USO1: variants seen among roughly 807,000 people sequenced by gnomAD.
USO1 encodes the protein USO1 vesicle transport factor, also known as general vesicular transport factor p115.
USO1 carries 57 observed loss-of-function variants against 124.5 expected under a neutral mutation model. The ratio of observed to expected loss-of-function variants is 0.46; its 90% confidence interval spans 0.37 to 0.57. The LOEUF is 0.57. Ranked by LOEUF, USO1 falls within the 20% of genes least tolerant of loss-of-function variation. USO1 has a pLI of 0.00. For missense variants in USO1, 900 were observed against 1,040.6 expected (o/e 0.86, Z 1.86); for synonymous variants, 369 against 362.8 (o/e 1.02, Z -0.19).
In USO1 at chr4:75,804,244, C is replaced by T; in HGVS notation, c.2097C>T (p.Asp699=). 6.2e-7 allele frequency: 1 copy of T among 1,612,726 alleles called. No homozygotes were observed. Among genetic ancestry groups the T allele is most frequent in the Non-Finnish European group, 8.5e-7 (1 of 1,179,334 alleles). Residue 699 remains aspartate (D), a synonymous_variant, in exon 18 of 24, where the codon GAC becomes GAT. Transcript: ENST00000514213. ...QQVSQIQQHK[D]QYNLLKIQLG... ...TATCACAGATCCAGCAGCACAAAGA[C>T]CAGTATAATCTTCTTAAAATACAGC...
chr4:75,767,617 A>G (rs1721802239), intron 4 of USO1: 1 of 291,728 alleles, frequency 3.4e-6, no homozygotes, highest in African/African-American at 2.3e-5. Flanking sequence ...GGTAGCAGGC[A>G]TCTGAAGTCC....
intron 4 of USO1, among the ~76,000 whole-genome samples, chr4:75,757,776 T>C: frequency 6.6e-6 from 1 of 152,156 alleles, no homozygotes. Context: ...CAGAACATTA[T>C]AGTGAGATGG....
At chr4:75,736,442 G>A (rs1218968275) in intron 1 of USO1, among the ~76,000 whole-genome samples, 4 of 147,116 alleles carry the variant, frequency 2.7e-5, no homozygotes, top group East Asian at 2.1e-4. Context: ...TCCACCTCCC[G>A]AGTAGCTGGG....
At chr4:75,808,857 G>A (rs2149195652) in intron 20 of USO1, 96 bp from the exon 21 acceptor site, 2 of 1,352,798 alleles carry the variant, frequency 1.5e-6, no homozygotes, top group Non-Finnish European at 2.0e-6. Context: ...AAAAGTAGGA[G>A]GTTGTAAATC....
At chr4:75,749,829 T>C (rs1473674197) in intron 1 of USO1, among the ~76,000 whole-genome samples, 1 of 151,434 alleles carries the variant, frequency 6.6e-6, no homozygotes, top group Non-Finnish European at 1.5e-5. Flanking sequence ...CTCGGCTCAC[T>C]GCAAGCTCCG....
chr4:75,759,765 C>T (rs781649977), intron 4 of USO1, among the ~76,000 whole-genome samples: 49 of 151,594 alleles, frequency 3.2e-4, no homozygotes, highest in Non-Finnish European at 6.6e-4. Context: ...AAAAATTAGC[C>T]AGCCATGGTG....
chr4:75,808,739 A>ATTT (rs10683487), intron 20 of USO1, among the ~76,000 whole-genome samples: 74,429 of 141,402 alleles, frequency 0.53, 21,029 homozygotes, highest in East Asian at 0.81. Flanking sequence ...GTCTTTTATG[A>ATTT]TTTTTTTTTT....
intron 8 of USO1, among the ~76,000 whole-genome samples, chr4:75,779,142 T>C (rs904786361): frequency 1.3e-5 from 2 of 152,168 alleles, no homozygotes; most frequent in Admixed American, 1.3e-4. Flanking sequence ...AAAAATGTTT[T>C]ATGCATTCTG....
intron 8 of USO1, among the ~76,000 whole-genome samples, chr4:75,779,626 TGA>T (rs978573087): frequency 5.9e-5 from 9 of 152,154 alleles, no homozygotes; most frequent in African/African-American, 2.2e-4. Flanking sequence ...CTGTGAAGAC[TGA>T]GAGAGGTGAA....
Position 75,770,550 on chromosome 4 carries a change from A to T in USO1, c.396+11A>T, listed in dbSNP as rs770369965. On this transcript the variant is annotated intron_variant, in intron 5 of 23. Coordinates refer to ENST00000514213, the MANE Select transcript of USO1 (RefSeq NM_003715.4). ...TTATCTTTATTGGAGGTAAATAGGG[A>T]ACCTTGATGTTTTTGTCATCTTAAT... The T allele has an allele frequency of 2.6e-6, 4 of 1,551,980 alleles. No homozygotes were observed. The Admixed American group carries it at 8.1e-5, about 32-fold the overall frequency.
At chr4:75,748,436 CT>C (rs1186685818) in intron 1 of USO1, among the ~76,000 whole-genome samples, 1 of 151,942 alleles carries the variant, frequency 6.6e-6, no homozygotes, top group African/African-American at 2.4e-5. Context: ...CAATCCACCC[CT>C]CTCAGCCTCC....
At chr4:75,790,072 T>A (rs1560455594) in intron 10 of USO1, 78 bp from the exon 11 acceptor site, 2 of 1,071,606 alleles carry the variant, frequency 1.9e-6, no homozygotes, top group South Asian at 2.1e-5. Context: ...AAAAAAAAGA[T>A]TTTTTTTCTA....
intron 1 of USO1, among the ~76,000 whole-genome samples, chr4:75,729,441 G>A (rs1720566523): frequency 6.6e-6 from 1 of 152,074 alleles, no homozygotes; most frequent in African/African-American, 2.4e-5. Context: ...CTGGGTTCAA[G>A]CAGTTCTCCT....
chr4:75,761,055 G>T lies in USO1; in HGVS notation c.295+3482G>T, dbSNP rs189792231. On this transcript the variant is annotated intron_variant, in intron 4 of 23. Coordinates refer to ENST00000514213, the MANE Select transcript of USO1 (RefSeq NM_003715.4). Reference sequence around the variant, plus strand: ...CCAGTTACTTGGGAGGCTGAGGCAGGAGAATTGCTTGAACCCAGGAGACAG... The same window carrying T: ...CCAGTTACTTGGGAGGCTGAGGCAGTAGAATTGCTTGAACCCAGGAGACAG... Among the ~76,000 whole-genome samples the T allele has an allele frequency of 5.8e-3, 888 of 152,226 alleles. 15 individuals are homozygous for T. Among genetic ancestry groups the T allele is most frequent in the African/African-American group, 0.02 (842 of 41,546 alleles).
intron 1 of USO1, among the ~76,000 whole-genome samples, chr4:75,741,453 T>G (rs1720956572): frequency 6.6e-6 from 1 of 152,218 alleles, no homozygotes; most frequent in Non-Finnish European, 1.5e-5. Flanking sequence ...TAGTTTACTA[T>G]AACTTTTTAA....
chr4:75,798,562 C>T (rs1560459030), intron 13 of USO1, among the ~76,000 whole-genome samples: 2 of 152,070 alleles, frequency 1.3e-5, no homozygotes, highest in African/African-American at 4.8e-5. Context: ...GCTTACCTGG[C>T]AAATCATTTG....
chr4:75,794,811 T>TA (rs1722633643), intron 13 of USO1, among the ~76,000 whole-genome samples: 1 of 152,174 alleles, frequency 6.6e-6, no homozygotes, highest in Non-Finnish European at 1.5e-5. Context: ...AATGAAAGCT[T>TA]AAAAAGTAAC....
intron 8 of USO1, among the ~76,000 whole-genome samples, chr4:75,782,233 T>C (rs1184267642): frequency 6.6e-6 from 1 of 152,238 alleles, no homozygotes; most frequent in African/African-American, 2.4e-5. Context: ...ATATACATGA[T>C]ATCATGTCTC....
chr4:75,728,236 GAATTT>G (rs1720521707), intron 1 of USO1, among the ~76,000 whole-genome samples: 2 of 148,194 alleles, frequency 1.3e-5, no homozygotes, highest in East Asian at 2.0e-4. Flanking sequence ...TTTTCTTATT[GAATTT>G]AAGTATCTTT....
Sources: gnomAD v4.1 joint callset for allele counts (sites outside exome capture counted in the v4.1 genomes callset) on GRCh38, gnomAD v4.1.1 for gene constraint, MANE v1.5 for transcripts, NCBI Gene and HGNC (gene_info 2026-07-23, HGNC 2026-07-21) for gene names.